ACOXL: variants seen among roughly 807,000 people sequenced by gnomAD.
ACOXL encodes acyl-coenzyme A oxidase-like protein.
A neutral mutation model predicts 71.9 loss-of-function variants in ACOXL; 70 were observed. That is an observed-to-expected ratio of 0.97 (90% CI 0.80 to 1.19). The LOEUF is 1.19. ACOXL is among the 50% of genes most tolerant of loss of function. ACOXL has a pLI of 0.00. For missense variants in ACOXL, 703 were observed against 736.3 expected (o/e 0.95, Z 0.52); for synonymous variants, 253 against 281.6 (o/e 0.90, Z 1.02).
At chr2:110,841,460 C>A in intron 10 of ACOXL, 55 bp downstream of exon 10, 1 of 1,438,232 alleles carries the variant, frequency 7.0e-7, no homozygotes, top group Non-Finnish European at 9.6e-7. Flanking sequence ...GTTTATAGCT[C>A]TTGGTTTGCT....
rs548001377 is a variant in ACOXL at position 111,003,550 on chromosome 2, CAAAAAAAAA to C, written c.1281+7567_1281+7575del. ...TGGGCGACAGGGCGAGACTCTGTCT[CAAAAAAAAA>C]AAAAAAAAAAAAAAAAAAAAGAATC... On this transcript the variant is annotated intron_variant, in intron 14 of 17. Coordinates refer to ENST00000439055, the MANE Select transcript of ACOXL (RefSeq NM_001142807.4). Among the ~76,000 whole-genome samples the C allele has an allele frequency of 3.5e-3, 122 of 35,326 alleles. 2 individuals are homozygous for C. The highest frequency in any genetic ancestry group is 0.018 in the East Asian group (30 of 1,650). 23.2% of individuals were successfully genotyped at this position (35,326 alleles called of 152,430 possible).
At chr2:110,883,763 A>T (rs1468275652) in intron 10 of ACOXL, among the ~76,000 whole-genome samples, 3 of 152,214 alleles carry the variant, frequency 2.0e-5, no homozygotes, top group Non-Finnish European at 4.4e-5. Flanking sequence ...GATTTTCAAT[A>T]TTTATGAAAA....
chr2:110,984,007 C>G (rs539203283), intron 12 of ACOXL, among the ~76,000 whole-genome samples: 1 of 152,150 alleles, frequency 6.6e-6, no homozygotes, highest in African/African-American at 2.4e-5. Context: ...CCATGCCCGG[C>G]TAATTTTTTA....
chr2:111,057,792 T>C (rs1235050868), intron 16 of ACOXL, among the ~76,000 whole-genome samples: 2 of 152,240 alleles, frequency 1.3e-5, no homozygotes, highest in African/African-American at 2.4e-5. Context: ...AGCGCACAGA[T>C]GGCAGCAGTA....
intron 2 of ACOXL, 49 bp downstream of exon 2, chr2:110,768,513 TG>T: frequency 2.2e-6 from 2 of 928,518 alleles, no homozygotes; most frequent in South Asian, 3.5e-5. Flanking sequence ...TGTGTGTGTG[TG>T]AGAGAGAGAG....
intron 11 of ACOXL, among the ~76,000 whole-genome samples, chr2:110,929,085 G>A (rs946628467): frequency 6.6e-6 from 1 of 152,214 alleles, no homozygotes; most frequent in South Asian, 2.1e-4. Context: ...AACATATCCA[G>A]TGACTTTGAA....
intron 5 of ACOXL, among the ~76,000 whole-genome samples, chr2:110,797,954 C>G (rs1187344398): frequency 6.6e-6 from 1 of 152,196 alleles, no homozygotes; most frequent in Non-Finnish European, 1.5e-5. Context: ...CTCAGCCAAA[C>G]AGCACACATG....
At chr2:111,086,274 T>G (rs183235853) in intron 16 of ACOXL, among the ~76,000 whole-genome samples, 72 of 152,258 alleles carry the variant, frequency 4.7e-4, no homozygotes, top group Non-Finnish European at 8.4e-4. Context: ...AAGAAAACTT[T>G]AGGGCAATAT....
At chr2:110,777,463 A>G (rs1682793872) in intron 2 of ACOXL, among the ~76,000 whole-genome samples, 1 of 152,242 alleles carries the variant, frequency 6.6e-6, no homozygotes, top group South Asian at 2.1e-4. Flanking sequence ...TAACTTGTCT[A>G]AAGTTCATAG....
At chr2:110,884,000 G>A (rs1697000061) in intron 10 of ACOXL, among the ~76,000 whole-genome samples, 1 of 152,134 alleles carries the variant, frequency 6.6e-6, no homozygotes, top group Non-Finnish European at 1.5e-5. Flanking sequence ...TGAAAGGATG[G>A]GTAATAGGCA....
intron 10 of ACOXL, among the ~76,000 whole-genome samples, chr2:110,893,574 G>T (rs1484032284): frequency 6.6e-6 from 1 of 152,086 alleles, no homozygotes; most frequent in Non-Finnish European, 1.5e-5. Flanking sequence ...AAAAAAGTTT[G>T]CATGTTTTGA....
At chr2:110,996,231 G>C (rs1276729262) in intron 14 of ACOXL, among the ~76,000 whole-genome samples, 5 of 152,126 alleles carry the variant, frequency 3.3e-5, no homozygotes, top group Non-Finnish European at 7.4e-5. Context: ...TCCACCTGCA[G>C]GCATCATGTG....
At chr2:110,880,680 G>A (rs544886381) in intron 10 of ACOXL, among the ~76,000 whole-genome samples, 1 of 152,288 alleles carries the variant, frequency 6.6e-6, no homozygotes, top group Admixed American at 6.5e-5. Flanking sequence ...GAGCACAGTG[G>A]CTCATGTCTG....
At chr2:110,992,451 A>G (rs3789094) in intron 13 of ACOXL, among the ~76,000 whole-genome samples, 67,620 of 152,024 alleles carry the variant, frequency 0.44, 15,396 homozygotes, top group Middle Eastern at 0.53. Context: ...GCAGTAGGAT[A>G]GTAGGCATAG....
intron 12 of ACOXL, among the ~76,000 whole-genome samples, chr2:110,942,096 T>A (rs2060889381): frequency 1.3e-5 from 2 of 152,190 alleles, no homozygotes; most frequent in Admixed American, 1.3e-4. Context: ...GTGAAGTCAT[T>A]TGCTATTATT....
chr2:110,765,117 G>A lies in ACOXL; in HGVS notation c.-22-3251G>A, dbSNP rs368127740. 4.6e-5 allele frequency among the ~76,000 whole-genome samples: 7 copies of A among 152,220 alleles called. No homozygotes were observed. In the East Asian group the frequency reaches 1.2e-3, roughly 25 times the overall value. ...AAAAATGTTGAGCCACTTGTTTCTGGCCTCTGTAGTTTCCAGTGAGAAATC... is the reference window on the plus strand; with the variant it reads ...AAAAATGTTGAGCCACTTGTTTCTGACCTCTGTAGTTTCCAGTGAGAAATC... On this transcript the variant is annotated intron_variant, in intron 1 of 17. Transcript: ENST00000439055.
At chr2:110,853,321 C>T (rs1166497369) in intron 10 of ACOXL, among the ~76,000 whole-genome samples, 1 of 152,118 alleles carries the variant, frequency 6.6e-6, no homozygotes, top group African/African-American at 2.4e-5. Context: ...AATTATCTGG[C>T]CCAAAATGGG....
chr2:110,867,978 G>A (rs979278574), intron 10 of ACOXL, among the ~76,000 whole-genome samples: 25 of 151,868 alleles, frequency 1.6e-4, no homozygotes, highest in African/African-American at 6.1e-4. Context: ...GGCTAGGCTG[G>A]TCTTGAACTC....
At chr2:110,900,190 CTTTAA>C (rs1322925777) in intron 10 of ACOXL, among the ~76,000 whole-genome samples, 1 of 150,710 alleles carries the variant, frequency 6.6e-6, no homozygotes, top group Non-Finnish European at 1.5e-5. Flanking sequence ...ATCTCATTAT[CTTTAA>C]TTTAAGGTCG....
Sources: gnomAD v4.1 joint callset for allele counts (sites outside exome capture counted in the v4.1 genomes callset) on GRCh38, gnomAD v4.1.1 for gene constraint, MANE v1.5 for transcripts, NCBI Gene and HGNC (gene_info 2026-07-23, HGNC 2026-07-21) for gene names.